The following HIP1 variants were observed in gnomAD, a reference collection of about 807,000 sequenced individuals.
The protein encoded by HIP1 is huntingtin interacting protein 1, also known as huntingtin-interacting protein 1.
In HIP1, 65 loss-of-function variants were observed where a neutral mutation model predicts 147.6. The ratio of observed to expected loss-of-function variants is 0.44; its 90% CI spans 0.36 to 0.54. HIP1 has a LOEUF of 0.54. Among genes scored for constraint, HIP1 ranks in the 20% least tolerant of loss-of-function variants. The probability of loss-of-function intolerance (pLI) is 0.00; values close to 1 mark genes in which losing one functional copy is unlikely to be tolerated. For missense variants in HIP1, 1,061 were observed against 1,299.6 expected, an observed-to-expected ratio of 0.82 and a Z score of 2.82; for synonymous variants, 479 against 504.0, an observed-to-expected ratio of 0.95 and a Z score of 0.67.
chr7:75,677,139 G>A (rs1367089314), intron 1 of HIP1, among the ~76,000 whole-genome samples: 1 of 151,700 alleles, frequency 6.6e-6, no homozygotes, highest in African/African-American at 2.4e-5. Context: ...AGGTTGCAGT[G>A]GGCCGAGATC....
intron 8 of HIP1, among the ~76,000 whole-genome samples, chr7:75,573,182 G>A (rs587709483): frequency 1.3e-5 from 2 of 152,320 alleles, no homozygotes; most frequent in South Asian, 4.1e-4. Context: ...CTCAGCCAGA[G>A]CTGAGCAGAG....
intron 7 of HIP1, among the ~76,000 whole-genome samples, chr7:75,576,992 G>C (rs1584821821): frequency 6.6e-6 from 1 of 152,122 alleles, no homozygotes; most frequent in Non-Finnish European, 1.5e-5. Flanking sequence ...TGATCACATG[G>C]GGCTAGTGAG....
At chr7:75,539,905 C>T (rs1794241097) in intron 29 of HIP1, among the ~76,000 whole-genome samples, 1 of 152,186 alleles carries the variant, frequency 6.6e-6, no homozygotes. Context: ...TAATGTTTAG[C>T]CTAACTGTAT....
chr7:75,549,423 T>A (rs181346961), intron 22 of HIP1, among the ~76,000 whole-genome samples: 67 of 149,246 alleles, frequency 4.5e-4, no homozygotes, highest in African/African-American at 1.6e-3. Flanking sequence ...CAGGCTGGAG[T>A]ACAGTGGCAC....
chr7:75,533,593 G>A lies in HIP1; in HGVS notation c.*4579C>T, dbSNP rs1167264784. 2 of 232,596 alleles carry A rather than the reference G, an allele frequency of 8.6e-6. No individual in the cohort carries two copies. The highest frequency in any genetic ancestry group is 1.8e-4 in the South Asian group (1 of 5,528). 14.4% of individuals were successfully genotyped at this position (232,596 alleles called of 1,614,324 possible). Reference sequence around the variant, plus strand: ...GAGACAACTGCATTATCACCAAGATGTAACCGAACCCCCTCGGTTTGTCCC... The same window carrying A: ...GAGACAACTGCATTATCACCAAGATATAACCGAACCCCCTCGGTTTGTCCC... On this transcript the variant is annotated 3_prime_UTR_variant, in exon 31 of 31. Coordinates refer to ENST00000336926, the MANE Select transcript of HIP1 (RefSeq NM_005338.7).
At chr7:75,613,085 T>TCACACACACA (rs143183301) in intron 1 of HIP1, among the ~76,000 whole-genome samples, 3 of 148,216 alleles carry the variant, frequency 2.0e-5, no homozygotes, top group East Asian at 2.0e-4. Context: ...CCAACTTGGG[T>TCACACACACA]CACACACACA....
chr7:75,554,605 AG>A lies in HIP1; in HGVS notation c.1964-80del. 2.9e-6 allele frequency: 3 copies of A among 1,027,566 alleles called. No homozygotes were observed. In the South Asian group the frequency reaches 3.9e-5, roughly 13 times the overall value. 63.7% of individuals were successfully genotyped at this position (1,027,566 alleles called of 1,614,324 possible). A position where few individuals can be genotyped will look rare whatever the true frequency, so the allele number is the denominator to read the frequency against. On this transcript the variant is annotated intron_variant, in intron 19 of 30. Coordinates refer to ENST00000336926, the MANE Select transcript of HIP1 (RefSeq NM_005338.7). Reference sequence around the variant, plus strand: ...TCCTCGTTAATTAAGCACTGAATGGAGGAGCTTACCTAGTGGGTAAGCTTCC... The same window carrying A: ...TCCTCGTTAATTAAGCACTGAATGGAGAGCTTACCTAGTGGGTAAGCTTCC...
Position 75,638,440 on chromosome 7 carries a change from T to C in HIP1, c.121-39193A>G, listed in dbSNP as rs535315509. Among the ~76,000 whole-genome samples, 29 of 152,194 alleles carry C rather than the reference T, an allele frequency of 1.9e-4. 1 individual carries two copies. In the South Asian group the frequency reaches 5.4e-3, roughly 28 times the overall value. Reference sequence around the variant, plus strand: ...GCACAGACCCCTCCAGAGGAGCCCATTTCTAAAGGAAAGGCGGAGTCATGC... The same window carrying C: ...GCACAGACCCCTCCAGAGGAGCCCACTTCTAAAGGAAAGGCGGAGTCATGC... On this transcript the variant is annotated intron_variant, in intron 1 of 30. Coordinates refer to ENST00000336926, the MANE Select transcript of HIP1 (RefSeq NM_005338.7).
intron 1 of HIP1, among the ~76,000 whole-genome samples, chr7:75,617,067 C>T (rs1231267116): frequency 1.4e-5 from 2 of 146,846 alleles, no homozygotes; most frequent in Non-Finnish European, 3.0e-5. Context: ...CCACCACACC[C>T]AGCTAATTTT....
At chr7:75,599,644 T>A (rs1554502623) in intron 1 of HIP1, among the ~76,000 whole-genome samples, 2 of 152,104 alleles carry the variant, frequency 1.3e-5, no homozygotes, top group African/African-American at 4.8e-5. Flanking sequence ...CCCAAGAGCA[T>A]CCAGCTGCCC....
intron 1 of HIP1, among the ~76,000 whole-genome samples, chr7:75,657,526 C>CA (rs201991075): frequency 0.16 from 10,548 of 66,254 alleles, 528 homozygotes; most frequent in Middle Eastern, 0.24. Context: ...GACTTTGTCT[C>CA]AAAAAAAAAA....
At chr7:75,565,814 C>T (rs1554495405) in intron 9 of HIP1, among the ~76,000 whole-genome samples, 1 of 151,572 alleles carries the variant, frequency 6.6e-6, no homozygotes, top group African/African-American at 2.4e-5. Flanking sequence ...TCATTGCAAC[C>T]TCTGCCACCT....
At chr7:75,618,445 G>A (rs969174401) in intron 1 of HIP1, among the ~76,000 whole-genome samples, 69 of 151,808 alleles carry the variant, frequency 4.5e-4, no homozygotes, top group Admixed American at 4.3e-3. Context: ...GCTACCACAC[G>A]TGGCTAATTT....
intron 1 of HIP1, among the ~76,000 whole-genome samples, chr7:75,602,733 A>G (rs1218300164): frequency 6.6e-6 from 1 of 151,750 alleles, no homozygotes; most frequent in Non-Finnish European, 1.5e-5. Flanking sequence ...CTTGATTTTT[A>G]AACAGTATAA....
chr7:75,636,600 C>G, intron 1 of HIP1, among the ~76,000 whole-genome samples: 1 of 152,184 alleles, frequency 6.6e-6, no homozygotes, highest in Non-Finnish European at 1.5e-5. Flanking sequence ...GACACCAATT[C>G]CCCAGGGTGG....
intron 1 of HIP1, among the ~76,000 whole-genome samples, chr7:75,657,920 A>G (rs1554512972): frequency 6.6e-6 from 1 of 152,154 alleles, no homozygotes; most frequent in Non-Finnish European, 1.5e-5. Context: ...GCACATACAC[A>G]TTTAAATGAA....
At chr7:75,736,396 T>A (rs1802021667) in intron 1 of HIP1, among the ~76,000 whole-genome samples, 1 of 151,668 alleles carries the variant, frequency 6.6e-6, no homozygotes, top group Non-Finnish European at 1.5e-5. Flanking sequence ...AAATAATATC[T>A]ATTTATTTTC....
At chr7:75,599,384 T>C (rs1796887721) in intron 1 of HIP1, 137 bp from the exon 2 acceptor site, 1 of 674,464 alleles carries the variant, frequency 1.5e-6, no homozygotes, top group East Asian at 2.7e-5. Context: ...TCGGTTCCTC[T>C]GCAGGCGCCC....
chr7:75,678,817 G>T (rs1163480774), intron 1 of HIP1, among the ~76,000 whole-genome samples: 1 of 152,140 alleles, frequency 6.6e-6, no homozygotes, highest in African/African-American at 2.4e-5. Context: ...GCAGGCCACT[G>T]CATCATTGAA....
Sources: gnomAD v4.1 joint callset for allele counts (sites outside exome capture counted in the v4.1 genomes callset) on GRCh38, gnomAD v4.1.1 for gene constraint, MANE v1.5 for transcripts, NCBI Gene and HGNC (gene_info 2026-07-23, HGNC 2026-07-21) for gene names.